The following FCHO1 variants were observed in gnomAD, a reference collection of about 807,000 sequenced individuals.
The protein encoded by FCHO1 is FCH and mu domain containing endocytic adaptor 1.
In FCHO1, 45 loss-of-function variants were observed where a neutral mutation model predicts 114.4. The ratio of observed to expected loss-of-function variants is 0.39; its 90% CI spans 0.31 to 0.50. The LOEUF is 0.50. FCHO1 is among the 20% of genes least tolerant of loss of function. The pLI, the probability that FCHO1 is intolerant of heterozygous loss-of-function variation, is 0.77. For missense variants in FCHO1, 1,042 were observed against 1,209.6 expected, an observed-to-expected ratio of 0.86 and a Z score of 2.06; for synonymous variants, 480 against 488.9, an observed-to-expected ratio of 0.98 and a Z score of 0.24.
rs374711483 is a variant in FCHO1, at chr19:17,787,803, C to T, written c.2604C>T (p.Gly868=). The change falls in exon 28 of 29, where the codon GGC becomes GGT. Residue 868 remains glycine, a synonymous_variant. Coordinates refer to ENST00000596536, the MANE Select transcript of FCHO1 (RefSeq NM_015122.3). ...CGGGCGTGGACTTGGAACTGGTGGG[C>T]AGCGGTTACCGCATGTCGCTGGTGA... The part of the protein sequence containing the change: ...TLSGVDLELV[G]SGYRMSLVKR... 156 of 1,613,254 alleles carry T rather than the reference C, an allele frequency of 9.7e-5. No homozygotes were observed. Among genetic ancestry groups the T allele is most frequent in the Non-Finnish European group, 1.3e-4 (150 of 1,179,860 alleles).
chr19:17,758,603 T>A (rs1338755459), intron 4 of FCHO1: 1 of 152,188 alleles, frequency 6.6e-6, no homozygotes, highest in Non-Finnish European at 1.5e-5. Flanking sequence ...CTGACCTGGG[T>A]CTGCCCCAGT....
At chr19:17,772,091 A>G (rs931621714) in intron 9 of FCHO1, among the ~76,000 whole-genome samples, 1 of 152,152 alleles carries the variant, frequency 6.6e-6, no homozygotes, top group African/African-American at 2.4e-5. Context: ...GATTACAGGC[A>G]TGATACACCA....
chr19:17,753,828 G>C (rs2082629410), intron 1 of FCHO1: 1 of 152,090 alleles, frequency 6.6e-6, no homozygotes, highest in Non-Finnish European at 1.5e-5. Flanking sequence ...CACCACACCT[G>C]GCTAATTTTT....
intron 26 of FCHO1, among the ~76,000 whole-genome samples, chr19:17,786,361 AAC>A (rs4007691): frequency 0.39 from 57,722 of 148,812 alleles, 11,561 homozygotes; most frequent in Non-Finnish European, 0.45. Context: ...ACACAAAACA[AAC>A]ACACACACAC....
At chr19:17,777,868 G>A (rs996452239) in intron 18 of FCHO1, among the ~76,000 whole-genome samples, 6 of 151,882 alleles carry the variant, frequency 4.0e-5, no homozygotes, top group African/African-American at 9.7e-5. Context: ...GTAAAACCCC[G>A]TCTCTGCTAA....
Position 17,788,267 on chromosome 19 carries a change from C to A in FCHO1, c.2648-17C>A. On this transcript the variant is annotated splice_polypyrimidine_tract_variant and intron_variant, in intron 28 of 28. Coordinates refer to ENST00000596536, the MANE Select transcript of FCHO1 (RefSeq NM_015122.3). ...CCCTCCTCCCCACCCCTCCCCCTCA[C>A]AGCTGCACCCCCACAGGGATGTACC... is the stretch of plus-strand genomic sequence containing the variant. 2 of 1,462,010 alleles carry A rather than the reference C, an allele frequency of 1.4e-6. No individual in the cohort carries two copies. The highest frequency in any genetic ancestry group is 1.9e-6 in the Non-Finnish European group (2 of 1,058,158). 90.6% of individuals were successfully genotyped at this position (1,462,010 alleles called of 1,614,324 possible).
intron 6 of FCHO1, 148 bp from the exon 7 acceptor site, chr19:17,766,521 T>C (rs2089234909): frequency 2.8e-6 from 3 of 1,074,972 alleles, no homozygotes; most frequent in East Asian, 2.6e-5. Context: ...CAGGCCCGCC[T>C]CTTACAGCTG....
In FCHO1 at chr19:17,784,779, T is replaced by C. The variant is rs1030828252; in HGVS notation, c.2281T>C (p.Cys761Arg). ...TCTGCAGCTCAGTGCCCACTGGCAGTGTGGAGCCACCCTCACCCAGGTCTC... is the reference window on the plus strand; with the variant it reads ...TCTGCAGCTCAGTGCCCACTGGCAGCGTGGAGCCACCCTCACCCAGGTCTC... ...VPLQLSAHWQ[C>R]GATLTQVSVE... is the part of the protein sequence containing the mutation. Residue 761 changes from cysteine (C) to arginine (R), a missense_variant, in exon 26 of 29, where the codon TGT becomes CGT. Physicochemically the swap from Cys to Arg is radical, Grantham distance 180. This residue lies in a region of FCHO1 where 137 missense variants were observed against 190.0 expected (regional missense o/e 0.72). Coordinates refer to ENST00000596536, the MANE Select transcript of FCHO1 (RefSeq NM_015122.3). This position sits in a 1 kb window ranked among gnomAD's most constrained non-coding sequence, Gnocchi z 5.3. 2.5e-6 allele frequency: 4 copies of C among 1,613,950 alleles called. No homozygotes were observed. The African/African-American group carries it at 5.3e-5, about 22-fold the overall frequency.
chr19:17,764,186 A>G (rs1235048375), intron 5 of FCHO1, among the ~76,000 whole-genome samples, 189 bp from the exon 6 acceptor site: 1 of 152,144 alleles, frequency 6.6e-6, no homozygotes, highest in Non-Finnish European at 1.5e-5. Flanking sequence ...AATTACAGGC[A>G]TGCACCACCA....
Position 17,778,790 on chromosome 19 carries a change from G to A in FCHO1, c.1533G>A (p.Glu511=). The A allele has an allele frequency of 6.5e-7, 1 of 1,540,262 alleles. No individual in the cohort carries two copies. Among genetic ancestry groups the A allele is most frequent in the East Asian group, 2.4e-5 (1 of 41,416 alleles). The part of the protein sequence containing the change: ...SPPSCRAPPP[E]ARGIRAPPLP... ...CCAGCTGTAGGGCGCCACCCCCAGA[G>A]GCCAGGGGTATCCGGGCACCGCCTC... The change falls in exon 20 of 29, where the codon GAG becomes GAA. Residue 511 remains glutamate (E), a synonymous_variant. Transcript: ENST00000596536.
chr19:17,774,909 C>A, intron 13 of FCHO1, 147 bp from the exon 14 acceptor site: 1 of 822,134 alleles, frequency 1.2e-6, no homozygotes, highest in Non-Finnish European at 2.0e-6. Context: ...CCAAGCAAGC[C>A]CCATGGTCCC....
In FCHO1 at chr19:17,759,226, C is replaced by CTTTTTTTTTTTT. The variant is rs1473282318; in HGVS notation, c.28-3533_28-3522dup. 2.0e-3 allele frequency among the ~76,000 whole-genome samples: 210 copies of CTTTTTTTTTTTT among 105,890 alleles called. 25 individuals are homozygous for CTTTTTTTTTTTT. The highest frequency in any genetic ancestry group is 3.6e-3 in the Admixed American group (29 of 7,968). 69.5% of individuals were successfully genotyped at this position (105,890 alleles called of 152,430 possible). A position where few individuals can be genotyped will look rare whatever the true frequency, so the allele number is the denominator to read the frequency against. On this transcript the variant is annotated intron_variant, in intron 4 of 28. Coordinates refer to ENST00000596536, the MANE Select transcript of FCHO1 (RefSeq NM_015122.3). Reference sequence around the variant, plus strand: ...GTTCCCTCAGACCCCAGCTGATTACCTTTTTTTTTTTTTTGAGACAGAGTC... The same window carrying CTTTTTTTTTTTT: ...GTTCCCTCAGACCCCAGCTGATTACCTTTTTTTTTTTTTTTTTTTTTTTTTTGAGACAGAGTC...
chr19:17,757,753 A>G (rs1809050594), intron 4 of FCHO1, among the ~76,000 whole-genome samples: 1 of 152,042 alleles, frequency 6.6e-6, no homozygotes, highest in African/African-American at 2.4e-5. Context: ...CGTCTCTACT[A>G]AAAATACAAA....
intron 4 of FCHO1, among the ~76,000 whole-genome samples, chr19:17,761,969 T>TTTCTTTCATTCATTCA (rs1555717282): frequency 6.8e-6 from 1 of 148,114 alleles, no homozygotes; most frequent in African/African-American, 2.5e-5. Context: ...TTTATTTTTA[T>TTTCTTTCATTCATTCA]TTCATTCATT....
intron 18 of FCHO1, 78 bp from the exon 19 acceptor site, chr19:17,778,059 A>C: frequency 5.1e-6 from 5 of 974,034 alleles, no homozygotes; most frequent in Non-Finnish European, 8.0e-6. Context: ...AAGACTGGGA[A>C]CAGCATGTGC....
intron 27 of FCHO1, 37 bp downstream of exon 27, chr19:17,786,666 G>GGGGCA: frequency 2.0e-6 from 1 of 496,992 alleles, no homozygotes; most frequent in Non-Finnish European, 4.1e-6. Flanking sequence ...GGGTGGGAGG[G>GGGGCA]ACTGGGGTCA....
rs574102842 is a variant in FCHO1, at chr19:17,775,360, C to G, written c.946-96C>G. 2 of 1,311,602 alleles carry G rather than the reference C, an allele frequency of 1.5e-6. No individual in the cohort carries two copies. Among genetic ancestry groups the G allele is most frequent in the South Asian group, 2.4e-5 (2 of 84,516 alleles). 81.2% of individuals were successfully genotyped at this position (1,311,602 alleles called of 1,614,324 possible). On this transcript the variant is annotated intron_variant, in intron 14 of 28. Transcript: ENST00000596536. The surrounding 1 kb of genome is among the most constrained non-coding windows in gnomAD (Gnocchi z 5.1). ...TCAGGGTTGGTTTTGAGGTCTGAGT[C>G]AAGGCCTGGGGGCAGGGCGGGGGGC...
At chr19:17,766,041 A>G (rs941015423) in intron 6 of FCHO1, among the ~76,000 whole-genome samples, 12 of 150,968 alleles carry the variant, frequency 7.9e-5, no homozygotes, top group African/African-American at 2.4e-4. Context: ...GGTGCCCACC[A>G]CCACGCCCGG....
chr19:17,772,518 C>T lies in FCHO1; in HGVS notation c.656C>T (p.Ala219Val), dbSNP rs781696574. The T allele has an allele frequency of 1.1e-5, 17 of 1,614,042 alleles. No homozygotes were observed. Among genetic ancestry groups the T allele is most frequent in the Middle Eastern group, 1.6e-4 (1 of 6,084 alleles). ...RHMKALLGSYAHSVEDTHVQI... is the reference protein window; with the variant it reads ...RHMKALLGSYVHSVEDTHVQI... ...ATGAAGGCACTGCTGGGCTCATATG[C>T]TCACTCGGTGGAGGACACGCACGTG... The change falls in exon 10 of 29, where the codon GCT (alanine) becomes GTT (valine). Residue 219 changes from alanine to valine, a missense_variant. By Grantham distance (64) the Ala-to-Val change is moderately conservative (BLOSUM62 0). Transcript: ENST00000596536.
Sources: gnomAD v4.1 joint callset for allele counts (sites outside exome capture counted in the v4.1 genomes callset) on GRCh38, gnomAD v4.1.1 for gene constraint, gnomAD v4.1.1 regional missense constraint, Gnocchi (gnomAD v3.1) non-coding constraint, MANE v1.5 for transcripts, NCBI Gene and HGNC (gene_info 2026-07-23, HGNC 2026-07-21) for gene names.